Variants in DPP6 observed in about 807,000 individuals in gnomAD.
DPP6 encodes the protein dipeptidyl peptidase like 6.
DPP6 carries 69 observed loss-of-function variants against 122.6 expected under a neutral mutation model. That is an observed-to-expected ratio of 0.56 (90% CI 0.46 to 0.69). The LOEUF is 0.69. Ranked by LOEUF, DPP6 falls within the 30% of genes least tolerant of loss-of-function variation. The pLI, the probability that DPP6 is intolerant of heterozygous loss-of-function variation, is 0.00. For synonymous variants in DPP6, 418 were observed against 433.1 expected (o/e 0.97, Z 0.43); for missense variants, 928 against 1,116.9 (o/e 0.83, Z 2.41).
intron 1 of DPP6, among the ~76,000 whole-genome samples, chr7:153,903,242 A>G (rs906720598): frequency 6.6e-6 from 1 of 152,178 alleles, no homozygotes; most frequent in Admixed American, 6.5e-5. Context: ...GTTCTGCAGG[A>G]TGTGGGATGG....
chr7:154,087,162 C>T lies in DPP6; in HGVS notation c.243+34099C>T, dbSNP rs151117306. Among the ~76,000 whole-genome samples the T allele has an allele frequency of 5.2e-4, 79 of 151,752 alleles. No homozygotes were observed. The East Asian group carries it at 0.01, about 19-fold the overall frequency. On this transcript the variant is annotated intron_variant, in intron 1 of 25. Transcript: ENST00000377770. ...ACATTGTTCATGCAAAGGAACAGCC[C>T]GAATGAGGCTGTGGGACAGGAGGGA...
chr7:154,693,079 A>G (rs181761799), intron 7 of DPP6, among the ~76,000 whole-genome samples: 1 of 150,678 alleles, frequency 6.6e-6, no homozygotes, highest in Non-Finnish European at 1.5e-5. Flanking sequence ...GGTGTGAGCC[A>G]CTGGGCCTGG....
At chr7:154,274,571 T>C (rs1804004598) in intron 1 of DPP6, among the ~76,000 whole-genome samples, 1 of 152,210 alleles carries the variant, frequency 6.6e-6, no homozygotes, top group South Asian at 2.1e-4. Context: ...TAGCATTTGC[T>C]GAATGGAGAT....
intron 1 of DPP6, among the ~76,000 whole-genome samples, chr7:153,905,257 T>A (rs547587638): frequency 6.6e-6 from 1 of 152,080 alleles, no homozygotes; most frequent in Non-Finnish European, 1.5e-5. Context: ...GAACAGAGGA[T>A]CTGGTTCGTA....
intron 19 of DPP6, among the ~76,000 whole-genome samples, chr7:154,873,886 A>C (rs1286380304): frequency 7.1e-6 from 1 of 141,272 alleles, no homozygotes; most frequent in Admixed American, 6.8e-5. Context: ...ACACACATGC[A>C]CACACACGCA....
chr7:154,157,154 T>C (rs1259063273), intron 1 of DPP6, among the ~76,000 whole-genome samples: 15 of 152,282 alleles, frequency 9.9e-5, no homozygotes, highest in Non-Finnish European at 8.8e-5. Context: ...GGAGTCACGA[T>C]ACTGAAGGGC....
At chr7:153,768,029 A>G in the DPP6 span, among the ~76,000 whole-genome samples, 2 of 152,022 alleles carry the variant, frequency 1.3e-5, no homozygotes, top group East Asian at 3.9e-4. Context: ...TTGATAATGG[A>G]ACTAGGGTTG....
Position 154,768,348 on chromosome 7 carries a change from G to A in DPP6, c.884-1069G>A, listed in dbSNP as rs116924644. Among the ~76,000 whole-genome samples, 1,323 of 152,302 alleles carry A rather than the reference G, an allele frequency of 8.7e-3. 15 individuals are homozygous for A. The highest frequency in any genetic ancestry group is 0.011 in the Non-Finnish European group (772 of 68,032). ...TTGTTCTGTTGCATTTGATGCCCTC[G>A]TTTTGTTTTTGCAATGTGTTTTCAG... is the stretch of plus-strand genomic sequence containing the variant. On this transcript the variant is annotated intron_variant, in intron 8 of 25. Transcript: ENST00000377770.
chr7:154,246,482 G>A (rs1656411233), intron 1 of DPP6, among the ~76,000 whole-genome samples: 1 of 152,108 alleles, frequency 6.6e-6, no homozygotes, highest in Non-Finnish European at 1.5e-5. Context: ...TGATTTATGG[G>A]ATTAATACAA....
chr7:154,718,558 C>A (rs1049147684), intron 7 of DPP6, among the ~76,000 whole-genome samples: 1 of 151,890 alleles, frequency 6.6e-6, no homozygotes. Context: ...CACACCCCCC[C>A]CAACTTTAGT....
chr7:154,126,521 C>T (rs558075536), intron 1 of DPP6, among the ~76,000 whole-genome samples: 1 of 151,584 alleles, frequency 6.6e-6, no homozygotes, highest in East Asian at 1.9e-4. Context: ...CAGGAGCCTG[C>T]CCTCTTGGTA....
At chr7:154,482,331 A>G (rs1424779837) in intron 3 of DPP6, among the ~76,000 whole-genome samples, 1 of 152,158 alleles carries the variant, frequency 6.6e-6, no homozygotes, top group Non-Finnish European at 1.5e-5. Flanking sequence ...AATTTAGAGA[A>G]GCTGAGAAGT....
chr7:154,116,171 C>T (rs1806971755), intron 1 of DPP6, among the ~76,000 whole-genome samples: 2 of 151,810 alleles, frequency 1.3e-5, no homozygotes, highest in African/African-American at 4.8e-5. Context: ...AAAATTAAGT[C>T]TAGGACTATG....
intron 1 of DPP6, among the ~76,000 whole-genome samples, chr7:154,366,335 A>G (rs1812187217): frequency 6.6e-6 from 1 of 152,218 alleles, no homozygotes; most frequent in Admixed American, 6.5e-5. Context: ...GATTCCCTGC[A>G]TCTACAACCA....
At chr7:154,616,712 G>C (rs1184367827) in intron 5 of DPP6, among the ~76,000 whole-genome samples, 1 of 152,126 alleles carries the variant, frequency 6.6e-6, no homozygotes, top group African/African-American at 2.4e-5. Flanking sequence ...AATAAGAGAA[G>C]AAAAGCAGCA....
rs115084863 is a variant in DPP6 at position 154,542,399 on chromosome 7, G to A, written c.552+1773G>A. Reference sequence around the variant, plus strand: ...CTGAGCGTCAGTGCATTTTAATGTCGGAATGTTATCATTATTTCCTGTGAG... The same window carrying A: ...CTGAGCGTCAGTGCATTTTAATGTCAGAATGTTATCATTATTTCCTGTGAG... On this transcript the variant is annotated intron_variant, in intron 4 of 25. Coordinates refer to ENST00000377770, the MANE Select transcript of DPP6 (RefSeq NM_130797.4). 9.5e-3 allele frequency among the ~76,000 whole-genome samples: 1,453 copies of A among 152,202 alleles called. 24 individuals are homozygous for A. Among genetic ancestry groups the A allele is most frequent in the African/African-American group, 0.032 (1,316 of 41,536 alleles).
intron 25 of DPP6, among the ~76,000 whole-genome samples, chr7:154,891,833 G>A (rs375936323): frequency 5.7e-4 from 87 of 152,166 alleles, no homozygotes; most frequent in African/African-American, 2.0e-3. Context: ...TGATCCTCCC[G>A]CCTCGGCCTG....
chr7:153,826,037 G>A, the DPP6 span, among the ~76,000 whole-genome samples: 7 of 152,174 alleles, frequency 4.6e-5, no homozygotes, highest in Non-Finnish European at 1.0e-4. Flanking sequence ...AAATAGCCCT[G>A]CACAGTCTTT....
the DPP6 span, among the ~76,000 whole-genome samples, chr7:153,855,310 G>T: frequency 6.6e-6 from 1 of 151,876 alleles, no homozygotes; most frequent in Non-Finnish European, 1.5e-5. Flanking sequence ...TGTTTATTAA[G>T]TTCCTTGCTT....
Sources: gnomAD v4.1 joint callset for allele counts (sites outside exome capture counted in the v4.1 genomes callset) on GRCh38, gnomAD v4.1.1 for gene constraint, MANE v1.5 for transcripts, NCBI Gene and HGNC (gene_info 2026-07-23, HGNC 2026-07-21) for gene names.